Variants in PPARGC1A observed in about 807,000 individuals in gnomAD.
The protein encoded by PPARGC1A is PPARG coactivator 1 alpha.
A neutral mutation model predicts 88.7 loss-of-function variants in PPARGC1A; 25 were observed. The ratio of observed to expected loss-of-function variants is 0.28; its 90% CI spans 0.21 to 0.39. The LOEUF is 0.39. Ranked by LOEUF, PPARGC1A falls within the 10% of genes least tolerant of loss-of-function variation. PPARGC1A has a pLI of 1.00. For synonymous variants in PPARGC1A, 363 were observed against 355.6 expected, an observed-to-expected ratio of 1.02 and a Z score of -0.24; for missense variants, 880 against 968.7, an observed-to-expected ratio of 0.91 and a Z score of 1.22.
chr4:24,334,335 T>C, the PPARGC1A span, among the ~76,000 whole-genome samples: 1 of 152,332 alleles, frequency 6.6e-6, no homozygotes, highest in East Asian at 1.9e-4. Flanking sequence ...GCATTCCAGC[T>C]TGATGATTAA....
chr4:24,349,983 G>C, the PPARGC1A span, among the ~76,000 whole-genome samples: 197 of 152,330 alleles, frequency 1.3e-3, 1 homozygote, highest in Middle Eastern at 0.01. Context: ...CCTTTTGGCT[G>C]CTTCCTCTAC....
intron 12 of PPARGC1A, among the ~76,000 whole-genome samples, chr4:23,801,215 G>GTA: frequency 7.0e-6 from 1 of 143,226 alleles, no homozygotes; most frequent in Non-Finnish European, 1.5e-5. Context: ...ACACACACAT[G>GTA]AATCATAAAC....
the PPARGC1A span, among the ~76,000 whole-genome samples, chr4:24,207,255 A>C: frequency 3.3e-5 from 5 of 152,228 alleles, no homozygotes; most frequent in African/African-American, 1.2e-4. Context: ...CTTTTTGAAC[A>C]AAAGGGACAT....
chr4:24,332,736 A>C, the PPARGC1A span, among the ~76,000 whole-genome samples: 1 of 152,202 alleles, frequency 6.6e-6, no homozygotes, highest in African/African-American at 2.4e-5. Flanking sequence ...GCAAGTAGAG[A>C]AATCTAGAAA....
At chr4:23,855,538 G>A (rs28546935) in intron 2 of PPARGC1A, among the ~76,000 whole-genome samples, 8,454 of 152,226 alleles carry the variant, frequency 0.056, 335 homozygotes, top group African/African-American at 0.11. Context: ...ATTGTATAAT[G>A]TACTCCAAAA....
chr4:24,039,641 A>G, the PPARGC1A span, among the ~76,000 whole-genome samples: 1 of 152,188 alleles, frequency 6.6e-6, no homozygotes, highest in East Asian at 1.9e-4. Context: ...GAATTGGACA[A>G]AACTCAACCT....
intron 2 of PPARGC1A, among the ~76,000 whole-genome samples, chr4:23,839,587 C>G (rs760580875): frequency 1.3e-5 from 2 of 152,182 alleles, no homozygotes; most frequent in Non-Finnish European, 2.9e-5. Flanking sequence ...CAACTCAACT[C>G]TCTGGCTGCA....
At chr4:24,319,074 C>T in the PPARGC1A span, among the ~76,000 whole-genome samples, 10 of 152,124 alleles carry the variant, frequency 6.6e-5, no homozygotes, top group African/African-American at 1.7e-4. Context: ...CGGCTGAGTG[C>T]GGTGGCTTAC....
the PPARGC1A span, among the ~76,000 whole-genome samples, chr4:24,283,479 AT>A: frequency 6.6e-6 from 1 of 152,100 alleles, no homozygotes; most frequent in Non-Finnish European, 1.5e-5. Flanking sequence ...CTTCATTTAC[AT>A]TTTTTTCCGG....
the PPARGC1A span, among the ~76,000 whole-genome samples, chr4:24,205,758 AC>A: frequency 5.3e-5 from 8 of 152,092 alleles, no homozygotes; most frequent in Non-Finnish European, 7.4e-5. Flanking sequence ...TATACAAAAA[AC>A]TAAAGTCAGA....
the PPARGC1A span, among the ~76,000 whole-genome samples, chr4:24,334,768 C>T: frequency 0.89 from 134,910 of 152,188 alleles, 61,323 homozygotes; most frequent in Non-Finnish European, 0.99. Context: ...TAAGACAATG[C>T]TCGACTGGAT....
upstream of PPARGC1A, chr4:23,890,231 A>G (rs1007558623): frequency 3.9e-5 from 15 of 381,982 alleles, no homozygotes; most frequent in African/African-American, 2.9e-4. Flanking sequence ...AAAAAAAAAA[A>G]AGAAAGAAAA....
chr4:23,977,917 A>T, the PPARGC1A span, among the ~76,000 whole-genome samples: 1 of 152,224 alleles, frequency 6.6e-6, no homozygotes, highest in Non-Finnish European at 1.5e-5. Context: ...ATTAGAATTG[A>T]TTAGTTTGTC....
the PPARGC1A span, among the ~76,000 whole-genome samples, chr4:23,935,234 C>T: frequency 2.0e-5 from 3 of 152,192 alleles, no homozygotes; most frequent in African/African-American, 7.2e-5. Flanking sequence ...AAAGATTATG[C>T]CTGCTCTTTC....
chr4:24,179,206 A>G, the PPARGC1A span, among the ~76,000 whole-genome samples: 1 of 152,190 alleles, frequency 6.6e-6, no homozygotes, highest in East Asian at 1.9e-4. Flanking sequence ...CAAGAACACC[A>G]AGACCTGCAA....
chr4:23,935,410 A>G, the PPARGC1A span, among the ~76,000 whole-genome samples: 2 of 152,178 alleles, frequency 1.3e-5, no homozygotes, highest in Admixed American at 1.3e-4. Flanking sequence ...TTAGCAGAGA[A>G]AGAGCAAATG....
chr4:24,327,964 A>G, the PPARGC1A span, among the ~76,000 whole-genome samples: 3 of 151,834 alleles, frequency 2.0e-5, no homozygotes, highest in African/African-American at 7.3e-5. Flanking sequence ...AACCCCATGA[A>G]TTTCCTTCTC....
At chr4:24,282,730 C>A in the PPARGC1A span, among the ~76,000 whole-genome samples, 1 of 152,240 alleles carries the variant, frequency 6.6e-6, no homozygotes, top group African/African-American at 2.4e-5. Flanking sequence ...TCAGTGAGGT[C>A]TCCCTCAGCC....
intron 1 of PPARGC1A, 120 bp downstream of exon 1, chr4:23,889,781 GCTC>G (rs1717538342): frequency 3.5e-6 from 4 of 1,148,104 alleles, no homozygotes; most frequent in Non-Finnish European, 4.8e-6. Context: ...TCTTCTAAAA[GCTC>G]CTGCCTGGAC....
Sources: allele counts gnomAD v4.1 joint callset (sites outside exome capture counted in the v4.1 genomes callset), GRCh38; gene constraint gnomAD v4.1.1; transcripts MANE v1.5; gene names NCBI Gene and HGNC (gene_info 2026-07-23, HGNC 2026-07-21).